Variants in CCDC9 observed in about 807,000 individuals in gnomAD.
CCDC9 encodes coiled-coil domain containing 9, also known as coiled-coil domain-containing protein 9.
Under a neutral mutation model 65.6 loss-of-function variants are expected in CCDC9, and 52 were observed. The ratio of observed to expected loss-of-function variants is 0.79; its 90% CI spans 0.63 to 1.00. The LOEUF is 1.00. Ranked by LOEUF, CCDC9 falls within the 50% of genes least tolerant of loss-of-function variation. The probability of loss-of-function intolerance (pLI) is 0.00; values close to 1 mark genes in which losing one functional copy is unlikely to be tolerated. For synonymous variants in CCDC9, 332 were observed against 280.3 expected, an observed-to-expected ratio of 1.18 and a Z score of -1.84; for missense variants, 834 against 757.2, an observed-to-expected ratio of 1.10 and a Z score of -1.19.
At chr19:47,273,631 C>G (rs1026192479), downstream of CCDC9, 7 of 394,240 alleles carry the variant, frequency 1.8e-5, no homozygotes, top group Admixed American at 1.3e-4. Flanking sequence ...GCAGGCCCCA[C>G]CAACGGGGGA....
intron 8 of CCDC9, 59 bp downstream of exon 8, chr19:47,266,851 A>G: frequency 6.5e-7 from 1 of 1,544,112 alleles, no homozygotes; most frequent in Admixed American, 2.0e-5. Flanking sequence ...CCTGACTTCT[A>G]AGTCCTATGC....
Position 47,270,657 on chromosome 19 carries a change from C to A in CCDC9, c.1054C>A (p.Pro352Thr), listed in dbSNP as rs1455464817. The A allele has an allele frequency of 1.2e-6, 2 of 1,612,056 alleles. No individual in the cohort carries two copies. Among genetic ancestry groups the A allele is most frequent in the Non-Finnish European group, 1.7e-6 (2 of 1,179,960 alleles). Reference sequence around the variant, plus strand: ...CCGCAGAAGGAGAAAGAGCAGTCGGCCCCAGGCCAAGGCAGCGCCCAGGGC... The same window carrying A: ...CCGCAGAAGGAGAAAGAGCAGTCGGACCCAGGCCAAGGCAGCGCCCAGGGC... The part of the protein sequence containing the change: ...SSRRRRKSSR[P>T]QAKAAPRAYS... The change falls in exon 10 of 12, where the codon CCC (proline) becomes ACC (threonine). Residue 352 changes from proline to threonine, a missense_variant. Transcript: ENST00000221922.
intron 7 of CCDC9, chr19:47,266,248 G>C (rs1050776008): frequency 1.5e-5 from 3 of 199,026 alleles, no homozygotes; most frequent in Non-Finnish European, 3.0e-5. Flanking sequence ...GCCTACCTTG[G>C]CCTCCCAAAG....
chr19:47,266,801 C>G lies in CCDC9; in HGVS notation c.902+9C>G. 1 of 1,597,190 alleles carries G rather than the reference C, an allele frequency of 6.3e-7. No individual in the cohort carries two copies. Among genetic ancestry groups the G allele is most frequent in the East Asian group, 2.3e-5 (1 of 44,066 alleles). ...GAGAAGACCGATGGGATGTGAGTCTCCTCCCCGCTCCTCTCCCCATGTGGC... is the reference window on the plus strand; with the variant it reads ...GAGAAGACCGATGGGATGTGAGTCTGCTCCCCGCTCCTCTCCCCATGTGGC... On this transcript the variant is annotated intron_variant, in intron 8 of 11. Transcript: ENST00000221922.
Position 47,260,669 on chromosome 19 carries a change from C to T in CCDC9, c.292C>T (p.Gln98Ter). 3 of 1,537,864 alleles carry T rather than the reference C, an allele frequency of 2.0e-6. No homozygotes were observed. The highest frequency in any genetic ancestry group is 1.7e-6 in the Non-Finnish European group (2 of 1,150,462). ...GASKGGRTPP[Q>*]QGGRAGMGRA... ...CAGCAAGGGGGGCCGGACTCCTCCA[C>T]AGCAGGGAGGCCGGGCCGGCATGGG... Residue 98 changes from glutamine (Q) to a stop codon, truncating the protein, a stop_gained, in exon 5 of 12, where the codon CAG becomes TAG. Transcript: ENST00000221922. LOFTEE classifies it high-confidence loss of function.
At position 47,271,718 on chromosome 19, in the gene CCDC9, T is replaced by A; in HGVS notation, c.*40T>A. ...GTGTGTGTGTGTGTGTGTGTGTGTG[T>A]GTGTGTGTGTGTGTGCGCGCGCGCG... On this transcript the variant is annotated 3_prime_UTR_variant, in exon 12 of 12. Transcript: ENST00000221922. 7.2e-7 allele frequency: 1 copy of A among 1,382,134 alleles called. No homozygotes were observed. Among genetic ancestry groups the A allele is most frequent in the Non-Finnish European group, 9.4e-7 (1 of 1,063,160 alleles). The allele number at this position is 1,382,134 out of a possible 1,614,324, so 85.6% of individuals were successfully genotyped here. A position where few individuals can be genotyped will look rare whatever the true frequency, so the allele number is the denominator to read the frequency against.
At chr19:47,257,516 A>ACGTGGCCCTGGCATTCCCAGCCGG (rs2059018599) in intron 1 of CCDC9, 1 of 152,298 alleles carries the variant, frequency 6.6e-6, no homozygotes, top group Non-Finnish European at 1.5e-5. Flanking sequence ...GATGTCGGGG[A>ACGTGGCCCTGGCATTCCCAGCCGG]CGTGGCCCTG....
chr19:47,258,682 G>T lies in CCDC9; in HGVS notation c.108+19G>T. The T allele has an allele frequency of 1.3e-6, 2 of 1,580,902 alleles. No homozygotes were observed. The highest frequency in any genetic ancestry group is 1.1e-5 in the South Asian group (1 of 90,436). ...CTACCAGGTGCCCTAGCCCCGCCCT[G>T]GGAGACCCCATCCCCTCTCTTCCCC... On this transcript the variant is annotated intron_variant, in intron 3 of 11. Transcript: ENST00000221922.
chr19:47,261,937 C>G (rs1257511662), intron 5 of CCDC9, among the ~76,000 whole-genome samples: 1 of 151,634 alleles, frequency 6.6e-6, no homozygotes, highest in Non-Finnish European at 1.5e-5. Context: ...AGAAGAATTG[C>G]TTGAACCTGG....
At chr19:47,257,904 AG>A (rs1376801833) in intron 1 of CCDC9, 2 of 174,474 alleles carry the variant, frequency 1.1e-5, no homozygotes, top group African/African-American at 4.8e-5. Flanking sequence ...GGATGAGCAC[AG>A]GGAGGTGGGT....
intron 9 of CCDC9, 33 bp downstream of exon 9, chr19:47,270,486 G>A (rs771874321): frequency 8.7e-6 from 14 of 1,614,036 alleles, no homozygotes; most frequent in Middle Eastern, 1.6e-4. Context: ...GCTGAGGCTC[G>A]GTCTGGGAGT....
At chr19:47,272,233 T>C (rs1274273394), downstream of CCDC9, 3 of 1,031,214 alleles carry the variant, frequency 2.9e-6, no homozygotes, top group East Asian at 6.5e-5. Flanking sequence ...GGCAGAGGGC[T>C]TGGGGGGAGT....
chr19:47,270,663 G>C lies in CCDC9; in HGVS notation c.1060G>C (p.Ala354Pro). The C allele has an allele frequency of 6.2e-7, 1 of 1,611,816 alleles. No homozygotes were observed. Among genetic ancestry groups the C allele is most frequent in the Non-Finnish European group, 8.5e-7 (1 of 1,179,888 alleles). The change falls in exon 10 of 12, where the codon GCC (alanine) becomes CCC (proline). Residue 354 changes from alanine (A) to proline (P), a missense_variant. Physicochemically the swap from Ala to Pro is conservative, Grantham distance 27. Transcript: ENST00000221922. Reference protein sequence around the residue: ...RRRRKSSRPQAKAAPRAYSDH... With the variant: ...RRRRKSSRPQPKAAPRAYSDH... Reference sequence around the variant, plus strand: ...AAGGAGAAAGAGCAGTCGGCCCCAGGCCAAGGCAGCGCCCAGGGCCTACAG... The same window carrying C: ...AAGGAGAAAGAGCAGTCGGCCCCAGCCCAAGGCAGCGCCCAGGGCCTACAG...
At chr19:47,260,512 C>G in intron 4 of CCDC9, 76 bp from the exon 5 acceptor site, 1 of 1,591,438 alleles carries the variant, frequency 6.3e-7, no homozygotes, top group Non-Finnish European at 8.6e-7. Context: ...CTGTCCTGCA[C>G]CAGTGGGTGG....
intron 8 of CCDC9, among the ~76,000 whole-genome samples, chr19:47,267,856 CT>C (rs977823531): frequency 6.7e-6 from 1 of 150,220 alleles, no homozygotes; most frequent in African/African-American, 2.4e-5. Flanking sequence ...TTTTTTTTTA[CT>C]TTTTTTTTGA....
At chr19:47,260,224 T>C in intron 3 of CCDC9, 97 bp from the exon 4 acceptor site, 2 of 846,838 alleles carry the variant, frequency 2.4e-6, no homozygotes, top group Non-Finnish European at 3.9e-6. Flanking sequence ...GAGAGAGGCC[T>C]GGGCTGGGGC....
downstream of CCDC9, chr19:47,274,758 A>C: frequency 1.5e-5 from 4 of 267,474 alleles, no homozygotes; most frequent in Non-Finnish European, 1.6e-5. Flanking sequence ...GGGTGGGCCT[A>C]GGATGCGGAG....
chr19:47,270,498 AG>A (rs1317683371), intron 9 of CCDC9, 45 bp downstream of exon 9: 1 of 1,613,982 alleles, frequency 6.2e-7, no homozygotes, highest in South Asian at 1.1e-5. Flanking sequence ...TCTGGGAGTC[AG>A]GGGTGGTGTG....
intron 9 of CCDC9, 25 bp from the exon 10 acceptor site, chr19:47,270,528 C>T (rs753163249): frequency 3.5e-5 from 57 of 1,614,026 alleles, no homozygotes; most frequent in Middle Eastern, 1.6e-4. Context: ...CTTCCCTTCC[C>T]AATGACACCT....
Sources: allele counts gnomAD v4.1 joint callset (sites outside exome capture counted in the v4.1 genomes callset), GRCh38; gene constraint gnomAD v4.1.1; transcripts MANE v1.5; gene names NCBI Gene and HGNC (gene_info 2026-07-23, HGNC 2026-07-21).